Variants in EPB41L3 observed in about 807,000 individuals in gnomAD.
The protein encoded by EPB41L3 is erythrocyte membrane protein band 4.1 like 3.
EPB41L3 carries 57 observed loss-of-function variants against 127.1 expected under a neutral mutation model. The observed-to-expected ratio is 0.45, with a 90% CI of 0.36 to 0.56. EPB41L3 has a LOEUF of 0.56. EPB41L3 is among the 20% of genes least tolerant of loss of function. The probability of loss-of-function intolerance (pLI) is 0.00; values close to 1 mark genes in which losing one functional copy is unlikely to be tolerated. For synonymous variants in EPB41L3, 572 were observed against 549.5 expected (o/e 1.04, Z -0.57); for missense variants, 1,273 against 1,372.2 (o/e 0.93, Z 1.14).
At chr18:5,535,719 T>G (rs1466909437) in intron 1 of EPB41L3, among the ~76,000 whole-genome samples, 1 of 152,106 alleles carries the variant, frequency 6.6e-6, no homozygotes, top group East Asian at 1.9e-4. Flanking sequence ...CTCCCCAAAT[T>G]GGTGAATGAA....
chr18:5,407,190 C>A, intron 15 of EPB41L3: 2 of 544,878 alleles, frequency 3.7e-6, no homozygotes. Context: ...ACATGGATAC[C>A]AAAAGAATTT....
At chr18:5,455,171 C>T (rs774121461) in intron 3 of EPB41L3, among the ~76,000 whole-genome samples, 1 of 152,080 alleles carries the variant, frequency 6.6e-6, no homozygotes. Flanking sequence ...AGGCCTTTTT[C>T]ATAAGGAGCC....
rs776566296 is a variant in EPB41L3, at chr18:5,392,645, C to T, written c.*840G>A. On this transcript the variant is annotated 3_prime_UTR_variant, in exon 23 of 23. Transcript: ENST00000341928. ...AAAATCAATTAAAAAATACACGGCA[C>T]GGAAAAAGTAACTAAGAAAACAAAG... The T allele has an allele frequency of 5.2e-5, 8 of 152,390 alleles. No homozygotes were observed. The highest frequency in any genetic ancestry group is 1.9e-4 in the East Asian group (1 of 5,192). 9.4% of individuals were successfully genotyped at this position (152,390 alleles called of 1,614,324 possible).
intron 3 of EPB41L3, among the ~76,000 whole-genome samples, chr18:5,565,980 T>C (rs1236036393): frequency 6.6e-6 from 1 of 151,992 alleles, no homozygotes; most frequent in East Asian, 1.9e-4. Flanking sequence ...TAATAAGAGC[T>C]ATCTATGACA....
chr18:5,466,702 A>G (rs2085062199), intron 3 of EPB41L3, among the ~76,000 whole-genome samples: 1 of 152,230 alleles, frequency 6.6e-6, no homozygotes, highest in Non-Finnish European at 1.5e-5. Context: ...AGACAAAGTT[A>G]AAAGACATCC....
chr18:5,604,516 C>T (rs2094626958), intron 3 of EPB41L3, among the ~76,000 whole-genome samples: 2 of 152,176 alleles, frequency 1.3e-5, no homozygotes, highest in South Asian at 4.1e-4. Flanking sequence ...TGCAGTGGCA[C>T]AATCTTGGCT....
chr18:5,597,729 T>C (rs2143711604), intron 3 of EPB41L3, among the ~76,000 whole-genome samples: 1 of 152,240 alleles, frequency 6.6e-6, no homozygotes, highest in Admixed American at 6.5e-5. Flanking sequence ...AGAAGTCAAA[T>C]AACCTAGGAA....
At chr18:5,463,841 T>G (rs11875075) in intron 3 of EPB41L3, 42,802 of 152,230 alleles carry the variant, frequency 0.28, 6,290 homozygotes, top group Middle Eastern at 0.41. Context: ...AAACGTGAGA[T>G]GATAAACACA....
At position 5,434,197 on chromosome 18, in the gene EPB41L3, G is replaced by A. The variant is rs548014283; in HGVS notation, c.606-76C>T. 102 of 1,182,290 alleles carry A rather than the reference G, an allele frequency of 8.6e-5. No homozygotes were observed. In the Middle Eastern group the frequency reaches 1.1e-3, roughly 13 times the overall value. 73.2% of individuals were successfully genotyped at this position (1,182,290 alleles called of 1,614,324 possible). A position where few individuals can be genotyped will look rare whatever the true frequency, so the allele number is the denominator to read the frequency against. On this transcript the variant is annotated intron_variant, in intron 6 of 22. Transcript: ENST00000341928. ...AAAAGGAGGTCGCTTGGTAAAAATC[G>A]TGGGCAAATAATTTCTCCCTGTAGA...
At chr18:5,403,306 TAACTC>T (rs1488967904) in intron 16 of EPB41L3, among the ~76,000 whole-genome samples, 1 of 152,178 alleles carries the variant, frequency 6.6e-6, no homozygotes, top group African/African-American at 2.4e-5. Flanking sequence ...TGTCTGCTGT[TAACTC>T]AAATATCTGA....
intron 3 of EPB41L3, among the ~76,000 whole-genome samples, chr18:5,469,929 G>A (rs756607023): frequency 6.6e-5 from 10 of 152,038 alleles, no homozygotes; most frequent in Admixed American, 5.2e-4. Flanking sequence ...ACATGAATGC[G>A]CCACCATGCA....
chr18:5,396,210 T>A lies in EPB41L3; in HGVS notation c.2964A>T (p.Glu988Asp). 2 of 1,614,190 alleles carry A rather than the reference T, an allele frequency of 1.2e-6. No homozygotes were observed. The highest frequency in any genetic ancestry group is 1.7e-6 in the Non-Finnish European group (2 of 1,179,992). ...VHTETKTITYESSQVDPGTDL... is the reference protein window; with the variant it reads ...VHTETKTITYDSSQVDPGTDL... ...TCACAGAATATCTCACCTGTGATGA[T>A]TCATATGTGATGGTTTTGGTTTCGG... The change falls in exon 19 of 23, where the codon GAA becomes GAT. Residue 988 changes from glutamate to aspartate, a missense_variant. By Grantham distance (45) the Glu-to-Asp change is conservative (BLOSUM62 2). Around this residue, in one of 3 missense-constraint regions of EPB41L3, gnomAD observed 765 missense variants for 782.9 expected, o/e 0.98. Transcript: ENST00000341928.
chr18:5,456,147 A>G (rs934666091), intron 3 of EPB41L3, among the ~76,000 whole-genome samples: 4 of 152,220 alleles, frequency 2.6e-5, no homozygotes, highest in Admixed American at 1.3e-4. Flanking sequence ...ACTTTCAATA[A>G]TATGAATTTA....
At chr18:5,448,709 C>A (rs1691404086) in intron 3 of EPB41L3, among the ~76,000 whole-genome samples, 1 of 152,122 alleles carries the variant, frequency 6.6e-6, no homozygotes, top group African/African-American at 2.4e-5. Flanking sequence ...TTATTTCTGA[C>A]TCAAAAGCAT....
rs60280170 is a variant in EPB41L3 at position 5,576,960 on chromosome 18, A to C, written c.-306+35380T>G. On this transcript the variant is annotated intron_variant, in intron 3 of 21. Transcript: ENST00000545076. ...ACTGAAAGCTGTTTCCAAACTCCTC[A>C]AGTGAATGTCCCCAGAGCAAAGACT... is the stretch of plus-strand genomic sequence containing the variant. 1.2e-3 allele frequency among the ~76,000 whole-genome samples: 186 copies of C among 151,122 alleles called. 4 individuals are homozygous for C. The East Asian group carries it at 0.034, about 27-fold the overall frequency.
chr18:5,582,701 T>C (rs1053404738), intron 3 of EPB41L3, among the ~76,000 whole-genome samples: 4 of 152,200 alleles, frequency 2.6e-5, no homozygotes, highest in Non-Finnish European at 5.9e-5. Flanking sequence ...GAGTCCCCTA[T>C]GGCTAAGTGA....
At chr18:5,524,590 G>A (rs2093148741) in intron 1 of EPB41L3, among the ~76,000 whole-genome samples, 1 of 150,434 alleles carries the variant, frequency 6.6e-6, no homozygotes, top group South Asian at 2.1e-4. Context: ...GTCATCTGCA[G>A]GAAATAAGGC....
chr18:5,421,790 A>G (rs1397840598), intron 11 of EPB41L3, among the ~76,000 whole-genome samples: 1 of 152,160 alleles, frequency 6.6e-6, no homozygotes, highest in African/African-American at 2.4e-5. Flanking sequence ...GGCACAGAGT[A>G]ATATAATGGA....
upstream of EPB41L3, chr18:5,630,530 C>T (rs1222921849): frequency 1.9e-6 from 1 of 517,818 alleles, no homozygotes; most frequent in South Asian, 1.4e-5. Context: ...TCGAATTCTC[C>T]GGGGTCCAGT....
Sources: gnomAD v4.1 joint callset for allele counts (sites outside exome capture counted in the v4.1 genomes callset) on GRCh38, gnomAD v4.1.1 for gene constraint, gnomAD v4.1.1 regional missense constraint, MANE v1.5 for transcripts, NCBI Gene and HGNC (gene_info 2026-07-23, HGNC 2026-07-21) for gene names.